Variants in MTMR7 observed in about 807,000 individuals in gnomAD.
The protein encoded by MTMR7 is myotubularin related protein 7, also known as phosphatidylinositol-3-phosphate phosphatase MTMR7.
In MTMR7, 76 loss-of-function variants were observed where a neutral mutation model predicts 81.2. The ratio of observed to expected loss-of-function variants is 0.94; its 90% CI spans 0.78 to 1.13. MTMR7 has a LOEUF of 1.13. Among genes scored for constraint, MTMR7 ranks in the 50% most tolerant of loss-of-function variants. The pLI, the probability that MTMR7 is intolerant of heterozygous loss-of-function variation, is 0.00. For missense variants in MTMR7, 1,044 were observed against 820.0 expected (o/e 1.27, Z -3.34); for synonymous variants, 372 against 289.8 (o/e 1.28, Z -2.88).
chr8:17,405,517 T>C (rs1436254578), intron 1 of MTMR7, among the ~76,000 whole-genome samples: 1 of 152,154 alleles, frequency 6.6e-6, no homozygotes, highest in East Asian at 1.9e-4. Context: ...ATAAACAGGA[T>C]GCAAGTAATC....
intron 1 of MTMR7, among the ~76,000 whole-genome samples, chr8:17,407,620 C>T (rs13268536): frequency 0.39 from 58,635 of 150,812 alleles, 13,719 homozygotes; most frequent in Admixed American, 0.57. Flanking sequence ...CCCCACATAA[C>T]CTTCTAAAAG....
At chr8:17,341,103 A>G (rs911213555) in intron 6 of MTMR7, among the ~76,000 whole-genome samples, 3 of 152,238 alleles carry the variant, frequency 2.0e-5, no homozygotes, top group Admixed American at 6.5e-5. Flanking sequence ...ATGAAGCCAC[A>G]TTCATTTGGG....
At chr8:17,328,524 C>G (rs993957360) in intron 7 of MTMR7, among the ~76,000 whole-genome samples, 5 of 151,680 alleles carry the variant, frequency 3.3e-5, no homozygotes, top group African/African-American at 1.2e-4. Context: ...AATGAGAACA[C>G]ATGGCCACAC....
chr8:17,331,064 C>A, intron 7 of MTMR7, 86 bp downstream of exon 7: 2 of 1,481,842 alleles, frequency 1.3e-6, no homozygotes, highest in Non-Finnish European at 1.8e-6. Context: ...TATGTAAAAA[C>A]ATTTTAAAAT....
chr8:17,301,921 C>G (rs1255530130), intron 13 of MTMR7: 8 of 444,960 alleles, frequency 1.8e-5, no homozygotes, highest in Non-Finnish European at 2.7e-5. Flanking sequence ...AAATAAGGAA[C>G]AACCAAAAAT....
chr8:17,361,738 AGAAAAAAATAATAAAGTT>A (rs1462327023), intron 3 of MTMR7, among the ~76,000 whole-genome samples: 4 of 152,258 alleles, frequency 2.6e-5, no homozygotes, highest in Non-Finnish European at 4.4e-5. Flanking sequence ...GGGTTAAAAA[AGAAAAAAATAATAAAGTT>A]GAAAAAACTC....
intron 7 of MTMR7, among the ~76,000 whole-genome samples, chr8:17,328,527 G>A (rs1317215737): frequency 6.6e-6 from 1 of 151,994 alleles, no homozygotes; most frequent in Non-Finnish European, 1.5e-5. Flanking sequence ...GAGAACACAT[G>A]GCCACACGTA....
intron 7 of MTMR7, among the ~76,000 whole-genome samples, chr8:17,323,437 A>G (rs1818510961): frequency 6.6e-6 from 1 of 152,116 alleles, no homozygotes; most frequent in Non-Finnish European, 1.5e-5. Flanking sequence ...GGTAGGGTTT[A>G]AGGGATGCTA....
At chr8:17,334,615 G>A (rs533458549) in intron 6 of MTMR7, among the ~76,000 whole-genome samples, 24 of 152,306 alleles carry the variant, frequency 1.6e-4, no homozygotes, top group Admixed American at 3.3e-4. Flanking sequence ...AATAAATGAA[G>A]CAAAGTCAAC....
Position 17,405,641 on chromosome 8 carries a change from T to G in MTMR7, c.24+7628A>C, listed in dbSNP as rs112888958. Among the ~76,000 whole-genome samples, 1,179 of 152,140 alleles carry G rather than the reference T, an allele frequency of 7.7e-3. 22 individuals are homozygous for G. The highest frequency in any genetic ancestry group is 0.027 in the African/African-American group (1,109 of 41,512). ...AGGCTGTTCACTATAAAATCATCCT[T>G]GAAAAGATAGTATAGAACAAAAGTG... On this transcript the variant is annotated intron_variant, in intron 1 of 13. Transcript: ENST00000180173.
intron 1 of MTMR7, among the ~76,000 whole-genome samples, chr8:17,387,671 A>T (rs1486165827): frequency 6.6e-6 from 1 of 152,234 alleles, no homozygotes; most frequent in African/African-American, 2.4e-5. Flanking sequence ...GGGGTACTTG[A>T]TACACACATT....
chr8:17,363,453 G>C (rs1383391607), intron 3 of MTMR7, among the ~76,000 whole-genome samples: 1 of 152,198 alleles, frequency 6.6e-6, no homozygotes, highest in African/African-American at 2.4e-5. Flanking sequence ...ACAGTTTTCT[G>C]CGTGTGGGCT....
At position 17,296,975 on chromosome 8, in the gene MTMR7, G is replaced by A. The variant is rs559060797; in HGVS notation, c.*2887C>T. 6.6e-6 allele frequency: 1 copy of A among 152,160 alleles called. No individual in the cohort carries two copies. The highest frequency in any genetic ancestry group is 1.9e-4 in the East Asian group (1 of 5,182). 9.4% of individuals were successfully genotyped at this position (152,160 alleles called of 1,614,324 possible). ...TTATGTATGTCACCCACGATGAAAA[G>A]AATCTGCATTTGAATATGCCCGTAT... On this transcript the variant is annotated 3_prime_UTR_variant, in exon 14 of 14. Transcript: ENST00000180173.
intron 6 of MTMR7, among the ~76,000 whole-genome samples, chr8:17,337,132 G>A (rs548590456): frequency 6.6e-6 from 1 of 152,238 alleles, no homozygotes; most frequent in South Asian, 2.1e-4. Flanking sequence ...AGCACTTTGG[G>A]AGGCCGAGAA....
chr8:17,333,536 T>C (rs1819120718), intron 6 of MTMR7, among the ~76,000 whole-genome samples: 1 of 152,134 alleles, frequency 6.6e-6, no homozygotes, highest in Non-Finnish European at 1.5e-5. Context: ...ACCACAGAGA[T>C]ACTCTTTTAA....
At chr8:17,342,154 G>A (rs748295944) in intron 5 of MTMR7, among the ~76,000 whole-genome samples, 29 of 152,194 alleles carry the variant, frequency 1.9e-4, no homozygotes, top group South Asian at 1.9e-3. Flanking sequence ...TTCTGACAGA[G>A]TAGATTGCAC....
chr8:17,377,207 G>C (rs12541691), intron 1 of MTMR7, among the ~76,000 whole-genome samples: 37,503 of 151,906 alleles, frequency 0.25, 5,528 homozygotes, highest in African/African-American at 0.4. Flanking sequence ...AACAAGTATA[G>C]TACTTCTTTA....
At chr8:17,351,756 G>C (rs568754932) in intron 4 of MTMR7, among the ~76,000 whole-genome samples, 2 of 152,188 alleles carry the variant, frequency 1.3e-5, no homozygotes, top group Admixed American at 1.3e-4. Context: ...GTACTTGCTC[G>C]GGGAACTCTA....
At position 17,347,168 on chromosome 8, in the gene MTMR7, C is replaced by G. The variant is rs1335198369; in HGVS notation, c.597+1785G>C. 2.0e-5 allele frequency among the ~76,000 whole-genome samples: 3 copies of G among 150,592 alleles called. No homozygotes were observed. The East Asian group carries it at 5.9e-4, about 29-fold the overall frequency. ...CAAGATTGTGCCACTGCACTCCAGCCTGGGCGACAAGTGAGATCTTGTTTC... is the reference window on the plus strand; with the variant it reads ...CAAGATTGTGCCACTGCACTCCAGCGTGGGCGACAAGTGAGATCTTGTTTC... On this transcript the variant is annotated intron_variant, in intron 5 of 13. Transcript: ENST00000180173.
Sources: allele counts gnomAD v4.1 joint callset (sites outside exome capture counted in the v4.1 genomes callset), GRCh38; gene constraint gnomAD v4.1.1; transcripts MANE v1.5; gene names NCBI Gene and HGNC (gene_info 2026-07-23, HGNC 2026-07-21).